Variants in SHPRH observed in about 807,000 individuals in gnomAD.
SHPRH encodes the protein E3 ubiquitin-protein ligase SHPRH.
A neutral mutation model predicts 202.5 loss-of-function variants in SHPRH; 106 were observed. The ratio of observed to expected loss-of-function variants is 0.52; its 90% CI spans 0.45 to 0.62. SHPRH has a LOEUF of 0.62. SHPRH is among the 20% of genes least tolerant of loss of function. The pLI is 0.00. For missense variants in SHPRH, 1,710 were observed against 2,020.0 expected, an observed-to-expected ratio of 0.85 and a Z score of 2.94; for synonymous variants, 729 against 686.0, an observed-to-expected ratio of 1.06 and a Z score of -0.98.
At chr6:145,919,564 C>T in intron 21 of SHPRH, 73 bp from the exon 22 acceptor site, 1 of 1,536,134 alleles carries the variant, frequency 6.5e-7, no homozygotes, top group South Asian at 1.2e-5. Context: ...CAAGATGTGC[C>T]TTAAGCAAAA....
rs575530314 is a variant in SHPRH, at chr6:145,949,194, C to G, written c.983-844G>C. Among the ~76,000 whole-genome samples the G allele has an allele frequency of 7.2e-5, 11 of 152,112 alleles. No individual in the cohort carries two copies. In the South Asian group the frequency reaches 2.3e-3, roughly 32 times the overall value. On this transcript the variant is annotated intron_variant, in intron 4 of 29. Transcript: ENST00000275233. ...ACTAAAAGTAGATCTATCATTCACT[C>G]CAGAACACTACTGGGTATCTACCCA...
intron 1 of SHPRH, among the ~76,000 whole-genome samples, chr6:145,955,566 T>C (rs753842392): frequency 1.0e-3 from 159 of 152,294 alleles, no homozygotes; most frequent in Admixed American, 2.9e-3. Context: ...TAAATTCTAA[T>C]GGTTTTGCTA....
intron 11 of SHPRH, among the ~76,000 whole-genome samples, chr6:145,936,983 T>C (rs867604307): frequency 0.5 from 65,876 of 131,630 alleles, 14,267 homozygotes; most frequent in Admixed American, 0.6. Flanking sequence ...TTCATCTTTT[T>C]TTTTTTTTTT....
intron 1 of SHPRH, among the ~76,000 whole-genome samples, chr6:145,963,247 T>C (rs368757429): frequency 1.3e-5 from 2 of 152,212 alleles, no homozygotes; most frequent in Admixed American, 6.5e-5. Flanking sequence ...AGAGATATCA[T>C]GGATCGTTTC....
intron 8 of SHPRH, among the ~76,000 whole-genome samples, chr6:145,944,039 GA>G (rs767095846): frequency 2.2e-4 from 34 of 152,134 alleles, no homozygotes; most frequent in Admixed American, 1.7e-3. Context: ...TGAAAAATTA[GA>G]AAGATAAAGG....
chr6:145,926,189 G>GA lies in SHPRH; in HGVS notation c.3294+14dup, dbSNP rs752555654. ...GAAAATATACTTTTATAGACAGAAT[G>GA]AAAAAAATAATTACCTCTTCCTCAA... On this transcript the variant is annotated intron_variant, in intron 16 of 29. Transcript: ENST00000275233. 5.6e-6 allele frequency: 9 copies of GA among 1,609,700 alleles called. No individual in the cohort carries two copies. The highest frequency in any genetic ancestry group is 1.3e-5 in the African/African-American group (1 of 74,736).
intron 9 of SHPRH, 149 bp downstream of exon 9, chr6:145,942,994 A>T: frequency 2.2e-6 from 2 of 902,336 alleles, no homozygotes; most frequent in South Asian, 2.0e-5. Context: ...CTTAGTCTCA[A>T]TTTTTTTCTT....
chr6:145,916,168 T>C (rs1783932883), intron 23 of SHPRH, among the ~76,000 whole-genome samples: 1 of 152,126 alleles, frequency 6.6e-6, no homozygotes, highest in South Asian at 2.1e-4. Flanking sequence ...TGCAGTTCTA[T>C]AATGTTCATT....
chr6:145,956,837 C>T (rs1229034308), intron 1 of SHPRH, among the ~76,000 whole-genome samples: 1 of 151,990 alleles, frequency 6.6e-6, no homozygotes, highest in African/African-American at 2.4e-5. Flanking sequence ...TAGTACTGAC[C>T]TATAGAAAAG....
rs756418240 is a variant in SHPRH at position 145,919,378 on chromosome 6, C to T, written c.4122G>A (p.Pro1374=). The T allele has an allele frequency of 1.9e-5, 30 of 1,612,852 alleles. No homozygotes were observed. Among genetic ancestry groups the T allele is most frequent in the Admixed American group, 6.7e-5 (4 of 59,890 alleles). Residue 1374 remains proline (P), a synonymous_variant, in exon 22 of 30, where the codon CCG becomes CCA. Transcript: ENST00000275233. ...VRDPREPKPN[P]PVLHIIEPHE... is the part of the protein sequence containing the mutation. Reference sequence around the variant, plus strand: ...GTGGTTCAATGATATGAAGAACAGGCGGATTAGGCTTTGGCTCCCTAGGAT... The same window carrying T: ...GTGGTTCAATGATATGAAGAACAGGTGGATTAGGCTTTGGCTCCCTAGGAT...
intron 2 of SHPRH, 31 bp from the exon 3 acceptor site, chr6:145,952,509 T>A (rs759970738): frequency 6.3e-7 from 1 of 1,584,134 alleles, no homozygotes; most frequent in African/African-American, 1.4e-5. Context: ...TAAAAGTAGT[T>A]TCATTTGAAA....
chr6:145,916,595 T>C (rs1783973660), intron 23 of SHPRH, among the ~76,000 whole-genome samples: 1 of 152,168 alleles, frequency 6.6e-6, no homozygotes, highest in Non-Finnish European at 1.5e-5. Flanking sequence ...CTTTTTCTTT[T>C]ATTAACAGCC....
At chr6:145,922,232 G>A (rs1201309006) in intron 20 of SHPRH, 54 bp downstream of exon 20, 11 of 1,486,320 alleles carry the variant, frequency 7.4e-6, no homozygotes, top group East Asian at 2.4e-5. Context: ...ACATAACTGA[G>A]TCTTGCAAAA....
intron 23 of SHPRH, among the ~76,000 whole-genome samples, chr6:145,914,242 G>A (rs1411735499): frequency 6.6e-6 from 1 of 152,076 alleles, no homozygotes; most frequent in Non-Finnish European, 1.5e-5. Flanking sequence ...AGGGAGGGCT[G>A]GGCTGAGCTG....
Position 145,894,235 on chromosome 6 carries a change from C to G in SHPRH, c.4610G>C (p.Trp1537Ser). ...PGAKALVFSTWQDVLDIISKA... is the reference protein window; with the variant it reads ...PGAKALVFSTSQDVLDIISKA... ...TGAAATAATATCTAATACATCTTGC[C>G]ACTAGAACACATAAAACAATAAGAA... The change falls in exon 27 of 30, where the codon TGG (tryptophan) becomes TCG (serine). Residue 1537 changes from tryptophan to serine, a missense_variant and splice_region_variant. Transcript: ENST00000275233. 6.3e-7 allele frequency: 1 copy of G among 1,588,818 alleles called. No homozygotes were observed. The highest frequency in any genetic ancestry group is 8.6e-7 in the Non-Finnish European group (1 of 1,169,508).
At chr6:145,933,317 A>G (rs1785676014) in intron 13 of SHPRH, 139 bp from the exon 14 acceptor site, 5 of 1,224,754 alleles carry the variant, frequency 4.1e-6, no homozygotes, top group Non-Finnish European at 5.6e-6. Flanking sequence ...TTTCGCCTCA[A>G]TTTTTACCAT....
chr6:145,916,046 T>C (rs1342081407), intron 23 of SHPRH, among the ~76,000 whole-genome samples: 6 of 152,142 alleles, frequency 3.9e-5, no homozygotes, highest in Non-Finnish European at 7.4e-5. Context: ...TCTTTTTCTA[T>C]CTATGCCACT....
intron 22 of SHPRH, chr6:145,918,479 G>A (rs1020817295): frequency 2.8e-5 from 7 of 246,484 alleles, no homozygotes; most frequent in African/African-American, 1.6e-4. Flanking sequence ...CTATGTACCT[G>A]AAGTCAGATA....
chr6:145,904,503 CAA>C (rs913411390), intron 25 of SHPRH: 1 of 152,130 alleles, frequency 6.6e-6, no homozygotes, highest in African/African-American at 2.4e-5. Flanking sequence ...CAAAGAGTCA[CAA>C]GAGAGGGGTG....
Sources: gnomAD v4.1 joint callset for allele counts (sites outside exome capture counted in the v4.1 genomes callset) on GRCh38, gnomAD v4.1.1 for gene constraint, MANE v1.5 for transcripts, NCBI Gene and HGNC (gene_info 2026-07-23, HGNC 2026-07-21) for gene names.